Variants in FRMD5 observed in about 807,000 individuals in gnomAD.
FRMD5 encodes FERM domain containing 5, also known as FERM domain-containing protein 5.
FRMD5 carries 20 observed loss-of-function variants against 69.0 expected under a neutral mutation model. That is an observed-to-expected ratio of 0.29 (90% CI 0.20 to 0.42). FRMD5 has a LOEUF of 0.42. Ranked by LOEUF, FRMD5 falls within the 10% of genes least tolerant of loss-of-function variation. FRMD5 has a pLI of 1.00. For missense variants in FRMD5, 595 were observed against 708.6 expected, an observed-to-expected ratio of 0.84 and a Z score of 1.82; for synonymous variants, 271 against 260.1, an observed-to-expected ratio of 1.04 and a Z score of -0.40.
chr15:43,948,207 A>T (rs1462671427), intron 1 of FRMD5, among the ~76,000 whole-genome samples: 3 of 152,244 alleles, frequency 2.0e-5, no homozygotes, highest in Non-Finnish European at 4.4e-5. Flanking sequence ...ATATATAATC[A>T]TTGTGCCATA....
chr15:44,035,276 A>C (rs976802046), intron 1 of FRMD5, among the ~76,000 whole-genome samples: 13 of 152,172 alleles, frequency 8.5e-5, no homozygotes, highest in African/African-American at 2.9e-4. Context: ...AAAGGCCATA[A>C]AGACCTTAAG....
chr15:44,111,647 G>A (rs1161902334), intron 1 of FRMD5, among the ~76,000 whole-genome samples: 1 of 152,168 alleles, frequency 6.6e-6, no homozygotes, highest in African/African-American at 2.4e-5. Context: ...GGAACCCTTT[G>A]AAGAAGCAGA....
chr15:44,017,364 C>T (rs997485092), intron 1 of FRMD5, among the ~76,000 whole-genome samples: 1 of 151,574 alleles, frequency 6.6e-6, no homozygotes, highest in Non-Finnish European at 1.5e-5. Context: ...AAACCATGTA[C>T]CATGGCACCC....
chr15:43,995,489 C>T (rs758015526), intron 1 of FRMD5, among the ~76,000 whole-genome samples: 9 of 151,538 alleles, frequency 5.9e-5, no homozygotes, highest in Non-Finnish European at 1.2e-4. Flanking sequence ...GCATGGGTCA[C>T]CAGGAGTGGT....
In FRMD5 at chr15:43,962,394, T is replaced by G. The variant is rs529694458; in HGVS notation, c.103-38085A>C. Among the ~76,000 whole-genome samples, 6 of 152,120 alleles carry G rather than the reference T, an allele frequency of 3.9e-5. No homozygotes were observed. The South Asian group carries it at 8.3e-4, about 21-fold the overall frequency. ...AGGAGAACTACAAACCACTGTTCAA[T>G]GAAATAAAAGAGGACACAAACAAAT... On this transcript the variant is annotated intron_variant, in intron 1 of 13. Coordinates refer to ENST00000417257, the MANE Select transcript of FRMD5 (RefSeq NM_032892.5).
At chr15:43,983,182 C>T (rs1340570181) in intron 1 of FRMD5, among the ~76,000 whole-genome samples, 2 of 152,192 alleles carry the variant, frequency 1.3e-5, no homozygotes, top group African/African-American at 4.8e-5. Flanking sequence ...CCACCAGCCT[C>T]AGCCTCCCAA....
intron 1 of FRMD5, among the ~76,000 whole-genome samples, chr15:44,039,474 A>G (rs1892089251): frequency 6.6e-6 from 1 of 152,196 alleles, no homozygotes; most frequent in African/African-American, 2.4e-5. Flanking sequence ...TCCAGAGGAA[A>G]AAACAGGCAG....
intron 1 of FRMD5, among the ~76,000 whole-genome samples, chr15:44,103,246 GA>G (rs1340311341): frequency 2.0e-5 from 3 of 152,174 alleles, no homozygotes; most frequent in Non-Finnish European, 4.4e-5. Context: ...GGTCAGTATA[GA>G]AGGAGCTCTG....
At chr15:43,954,892 T>C (rs1279817491) in intron 1 of FRMD5, among the ~76,000 whole-genome samples, 1 of 152,258 alleles carries the variant, frequency 6.6e-6, no homozygotes, top group African/African-American at 2.4e-5. Context: ...TGCTAGATGA[T>C]ATGCTGAGCA....
At chr15:43,976,232 C>T (rs1157635330) in intron 1 of FRMD5, among the ~76,000 whole-genome samples, 1 of 151,592 alleles carries the variant, frequency 6.6e-6, no homozygotes, top group Non-Finnish European at 1.5e-5. Flanking sequence ...AAATATAACA[C>T]CAAAAACACA....
At chr15:43,905,186 G>C (rs2089141881) in intron 6 of FRMD5, among the ~76,000 whole-genome samples, 1 of 145,752 alleles carries the variant, frequency 6.9e-6, no homozygotes, top group African/African-American at 2.6e-5. Flanking sequence ...ACCCAGGCTA[G>C]AGTGCAATGG....
In FRMD5 at chr15:44,098,538, AAG is replaced by A. The variant is rs371344192; in HGVS notation, c.102+96413_102+96414del. On this transcript the variant is annotated intron_variant, in intron 1 of 13. Transcript: ENST00000417257. ...GACTCTGTCTCAAAAAAAAAAAAAA[AAG>A]AGAGAGAGAGACATAAGCAGAAAAG... Among the ~76,000 whole-genome samples the A allele has an allele frequency of 1.1e-4, 16 of 145,620 alleles. 1 individual carries two copies. The highest frequency in any genetic ancestry group is 1.7e-4 in the Non-Finnish European group (11 of 66,530).
chr15:44,162,842 G>A (rs1219167647), intron 1 of FRMD5, among the ~76,000 whole-genome samples: 1 of 142,248 alleles, frequency 7.0e-6, no homozygotes, highest in African/African-American at 2.7e-5. Flanking sequence ...ACTCCAGCAT[G>A]GGCAACGAGA....
intron 1 of FRMD5, among the ~76,000 whole-genome samples, chr15:43,928,921 A>T (rs1231292573): frequency 3.9e-5 from 6 of 152,228 alleles, no homozygotes. Flanking sequence ...CCCTGCAGCT[A>T]CTTCTGAGGT....
At chr15:44,098,770 C>G (rs956501672) in intron 1 of FRMD5, among the ~76,000 whole-genome samples, 2 of 152,086 alleles carry the variant, frequency 1.3e-5, no homozygotes, top group Admixed American at 1.3e-4. Context: ...TCTCTTAATT[C>G]CTTTAAACTT....
At chr15:43,988,356 ACTT>A (rs1889498199) in intron 1 of FRMD5, among the ~76,000 whole-genome samples, 1 of 48,030 alleles carries the variant, frequency 2.1e-5, no homozygotes, top group African/African-American at 4.3e-5. Flanking sequence ...GGTCATTAGC[ACTT>A]TTTTTTTTTT....
chr15:43,949,510 A>G (rs1379099913), intron 1 of FRMD5, among the ~76,000 whole-genome samples: 1 of 152,256 alleles, frequency 6.6e-6, no homozygotes, highest in East Asian at 1.9e-4. Flanking sequence ...ATGCTCAAAA[A>G]AACACTGAAT....
chr15:43,903,314 T>A (rs1301808037), intron 6 of FRMD5, among the ~76,000 whole-genome samples: 2 of 152,202 alleles, frequency 1.3e-5, no homozygotes, highest in African/African-American at 4.8e-5. Context: ...AAGCTTATCA[T>A]TTGCCTCAGG....
intron 1 of FRMD5, among the ~76,000 whole-genome samples, chr15:43,944,515 G>A (rs999689571): frequency 6.6e-6 from 1 of 152,008 alleles, no homozygotes; most frequent in Non-Finnish European, 1.5e-5. Context: ...TCCACCTCCC[G>A]AACTCCCGGG....
Sources: gnomAD v4.1 joint callset for allele counts (sites outside exome capture counted in the v4.1 genomes callset) on GRCh38, gnomAD v4.1.1 for gene constraint, MANE v1.5 for transcripts, NCBI Gene and HGNC (gene_info 2026-07-23, HGNC 2026-07-21) for gene names.